Variants in TNFRSF8 observed in about 807,000 individuals in gnomAD.
TNFRSF8 encodes TNF receptor superfamily member 8.
TNFRSF8 carries 26 observed loss-of-function variants against 70.8 expected under a neutral mutation model. The ratio of observed to expected loss-of-function variants is 0.37; its 90% CI spans 0.27 to 0.51. The LOEUF is 0.51. TNFRSF8 is among the 20% of genes least tolerant of loss of function. The pLI is 0.94. For synonymous variants in TNFRSF8, 356 were observed against 339.2 expected, an observed-to-expected ratio of 1.05 and a Z score of -0.54; for missense variants, 720 against 807.9, an observed-to-expected ratio of 0.89 and a Z score of 1.32.
chr1:12,084,669 C>A, intron 2 of TNFRSF8, 118 bp downstream of exon 2: 1 of 930,388 alleles, frequency 1.1e-6, no homozygotes, highest in Non-Finnish European at 1.7e-6. Context: ...TAATTGGCTA[C>A]AGTTTTCTGC....
rs200193677 is a variant in TNFRSF8, at chr1:12,113,681, AAGAC to A, written c.793+1671_793+1674del. Among the ~76,000 whole-genome samples, 829 of 139,638 alleles carry A rather than the reference AAGAC, an allele frequency of 5.9e-3. 14 individuals carry two copies. Among genetic ancestry groups the A allele is most frequent in the African/African-American group, 0.022 (800 of 35,590 alleles). The allele number at this position is 139,638 out of a possible 152,430, so 91.6% of individuals were successfully genotyped here. ...AGTGAGCGAGAGAGAGAGAGACAGA[AAGAC>A]AGAAAGAGAGACTGAGAGACAGAGA... is the stretch of plus-strand genomic sequence containing the variant. On this transcript the variant is annotated intron_variant, in intron 7 of 14. Transcript: ENST00000263932. This position sits in a 1 kb window ranked among gnomAD's most constrained non-coding sequence, Gnocchi z 4.9.
chr1:12,125,803 T>C (rs1641926526), intron 10 of TNFRSF8, 148 bp from the exon 11 acceptor site: 1 of 719,778 alleles, frequency 1.4e-6, no homozygotes, highest in Non-Finnish European at 2.5e-6. Flanking sequence ...GAGGGCTGGA[T>C]GAGATAAGAG....
At chr1:12,067,391 A>G (rs1304612466) in intron 1 of TNFRSF8, among the ~76,000 whole-genome samples, 1 of 152,154 alleles carries the variant, frequency 6.6e-6, no homozygotes, top group African/African-American at 2.4e-5. Context: ...GGTTCTCATG[A>G]AAGTATCTTA....
chr1:12,079,697 T>C (rs781314023), intron 1 of TNFRSF8, among the ~76,000 whole-genome samples: 2 of 152,142 alleles, frequency 1.3e-5, no homozygotes, highest in Non-Finnish European at 2.9e-5. Flanking sequence ...TCCAAGGGGA[T>C]TTGAGAGGCA....
chr1:12,082,162 C>T (rs994163872), intron 1 of TNFRSF8, among the ~76,000 whole-genome samples: 1 of 152,224 alleles, frequency 6.6e-6, no homozygotes, highest in African/African-American at 2.4e-5. Context: ...CCTGGAATCT[C>T]AACAAAGAAT....
chr1:12,109,526 C>A lies in TNFRSF8; in HGVS notation c.422-40C>A. 6.4e-7 allele frequency: 1 copy of A among 1,565,970 alleles called. No homozygotes were observed. ...GGTGTATTCCGGGAGACTTTGGGTCCCCAACACTGATTCTGAAGGCACTGC... is the reference window on the plus strand; with the variant it reads ...GGTGTATTCCGGGAGACTTTGGGTCACCAACACTGATTCTGAAGGCACTGC... On this transcript the variant is annotated intron_variant, in intron 4 of 14. Coordinates refer to ENST00000263932, the MANE Select transcript of TNFRSF8 (RefSeq NM_001243.5). This position sits in a 1 kb window ranked among gnomAD's most constrained non-coding sequence, Gnocchi z 4.4.
rs779370092 is a variant in TNFRSF8 at position 12,115,579 on chromosome 1, G to C, written c.796G>C (p.Asp266His). The C allele has an allele frequency of 1.1e-5, 18 of 1,614,040 alleles. No individual in the cohort carries two copies. In the East Asian group the frequency reaches 3.8e-4, roughly 34 times the overall value. ...CTACVSCSRD[D>H]LVEKTPCAWN... is the part of the protein sequence containing the mutation. The stretch of plus-strand genomic sequence containing the variant: ...TGATCCTCATCTGTGTCCCTTAGAT[G>C]ACCTTGTGGAGAAGACGCCATGTGC... Residue 266 changes from aspartate to histidine, a missense_variant and splice_region_variant, in exon 8 of 15, where the codon GAC (aspartate) becomes CAC (histidine). Physicochemically the swap from Asp to His is moderately conservative, Grantham distance 81. Coordinates refer to ENST00000263932, the MANE Select transcript of TNFRSF8 (RefSeq NM_001243.5).
chr1:12,119,117 C>A lies in TNFRSF8; in HGVS notation c.946+3388C>A, dbSNP rs554440114. On this transcript the variant is annotated intron_variant, in intron 8 of 14. Transcript: ENST00000263932. The surrounding 1 kb of genome is among the most constrained non-coding windows in gnomAD (Gnocchi z 4.4). ...TGACCTGGTGATCCGCCTGCCTCGG[C>A]CTCGCAAAAGTGCTGGGATTACCGG... Among the ~76,000 whole-genome samples, 15 of 152,338 alleles carry A rather than the reference C, an allele frequency of 9.8e-5. No homozygotes were observed. Among genetic ancestry groups the A allele is most frequent in the Non-Finnish European group, 2.2e-4 (15 of 68,018 alleles).
At chr1:12,102,137 T>G (rs1335445543) in intron 3 of TNFRSF8, among the ~76,000 whole-genome samples, 1 of 152,208 alleles carries the variant, frequency 6.6e-6, no homozygotes, top group Non-Finnish European at 1.5e-5. Flanking sequence ...CTCCTCTTCC[T>G]TGGCGCTGGT....
chr1:12,075,446 G>C (rs1640927537), intron 1 of TNFRSF8, among the ~76,000 whole-genome samples: 1 of 151,982 alleles, frequency 6.6e-6, no homozygotes, highest in Middle Eastern at 3.2e-3. Flanking sequence ...ACGCTGTTTG[G>C]GAAATGACAG....
chr1:12,125,921 CA>C (rs753161478), intron 10 of TNFRSF8, 29 bp from the exon 11 acceptor site: 1 of 1,587,574 alleles, frequency 6.3e-7, no homozygotes, highest in Non-Finnish European at 8.6e-7. Flanking sequence ...TGCAGCAAGG[CA>C]AAGAGTGTGG....
rs1642132081 is a variant in TNFRSF8 at position 12,135,624 on chromosome 1, C to G, written c.1335+11C>G. 5 of 1,614,072 alleles carry G rather than the reference C, an allele frequency of 3.1e-6. No homozygotes were observed. The highest frequency in any genetic ancestry group is 2.2e-5 in the East Asian group (1 of 44,874). ...AGGAGGAGCTCAACGGTAAGTACCCCTCCCTTGCCCCCACCTCAGCTTCGT... is the reference window on the plus strand; with the variant it reads ...AGGAGGAGCTCAACGGTAAGTACCCGTCCCTTGCCCCCACCTCAGCTTCGT... On this transcript the variant is annotated intron_variant, in intron 13 of 14. Transcript: ENST00000263932.
chr1:12,111,298 C>G (rs913974133), intron 6 of TNFRSF8, among the ~76,000 whole-genome samples: 4 of 152,162 alleles, frequency 2.6e-5, no homozygotes, highest in Admixed American at 1.3e-4. Context: ...TCTCCTGCCT[C>G]AGCCTCCCGA....
chr1:12,139,016 C>CTTGAAGCCCGTGGTTTGTCCACGTT (rs1570091163), intron 14 of TNFRSF8, among the ~76,000 whole-genome samples: 2 of 152,308 alleles, frequency 1.3e-5, no homozygotes, highest in East Asian at 1.9e-4. Context: ...AGATGGGGCC[C>CTTGAAGCCCGTGGTTTGTCCACGTT]AGATGTTCAG....
intron 3 of TNFRSF8, among the ~76,000 whole-genome samples, chr1:12,101,412 G>T (rs1641420843): frequency 6.8e-6 from 1 of 146,584 alleles, no homozygotes; most frequent in South Asian, 2.2e-4. Context: ...GGGCAACAGA[G>T]CAAGACCCTG....
intron 8 of TNFRSF8, among the ~76,000 whole-genome samples, chr1:12,117,042 C>T (rs1463796200): frequency 6.6e-6 from 1 of 152,108 alleles, no homozygotes; most frequent in East Asian, 1.9e-4. Flanking sequence ...GACCAGTTTG[C>T]ACAGATGATG....
In TNFRSF8 at chr1:12,115,672, T is replaced by G. The variant is rs1763642; in HGVS notation, c.889T>G (p.Cys297Gly). The G allele has an allele frequency of 6.2e-7, 1 of 1,614,212 alleles. No homozygotes were observed. Among genetic ancestry groups the G allele is most frequent in the Non-Finnish European group, 8.5e-7 (1 of 1,180,030 alleles). Reference protein sequence around the residue: ...MICATSATNSCARCVPYPICA... With the variant: ...MICATSATNSGARCVPYPICA... ...CTGTGCCACATCAGCCACCAACTCC[T>G]GTGCCCGCTGTGTCCCCTACCCAAT... is the stretch of plus-strand genomic sequence containing the variant. Residue 297 changes from cysteine to glycine, a missense_variant, in exon 8 of 15, where the codon TGT (cysteine) becomes GGT (glycine). Transcript: ENST00000263932.
chr1:12,116,084 C>T (rs371121737), intron 8 of TNFRSF8, among the ~76,000 whole-genome samples: 2 of 152,254 alleles, frequency 1.3e-5, no homozygotes, highest in East Asian at 3.9e-4. Context: ...TGGGTTCAAG[C>T]AATTCTCCTG....
chr1:12,119,013 C>T lies in TNFRSF8; in HGVS notation c.946+3284C>T, dbSNP rs1011055848. On this transcript the variant is annotated intron_variant, in intron 8 of 14. Transcript: ENST00000263932. The surrounding 1 kb of genome is among the most constrained non-coding windows in gnomAD (Gnocchi z 4.4). ...CTGAGTAGCTGGGATTACAGGCACG[C>T]GCCACCACGCCTGGCTAATTTTTGT... Among the ~76,000 whole-genome samples, 10 of 152,102 alleles carry T rather than the reference C, an allele frequency of 6.6e-5. No homozygotes were observed. Among genetic ancestry groups the T allele is most frequent in the African/African-American group, 1.4e-4 (6 of 41,430 alleles).
Sources: allele counts gnomAD v4.1 joint callset (sites outside exome capture counted in the v4.1 genomes callset), GRCh38; gene constraint gnomAD v4.1.1; non-coding constraint Gnocchi (gnomAD v3.1); transcripts MANE v1.5; gene names NCBI Gene and HGNC (gene_info 2026-07-23, HGNC 2026-07-21).